The following HCN4 variants were observed in gnomAD, a reference collection of about 807,000 sequenced individuals.
HCN4 encodes the protein potassium/sodium hyperpolarization-activated cyclic nucleotide-gated channel 4.
In HCN4, 29 loss-of-function variants were observed where a neutral mutation model predicts 76.9. That is an observed-to-expected ratio of 0.38 (90% CI 0.28 to 0.51). HCN4 has a LOEUF of 0.51. Among genes scored for constraint, HCN4 ranks in the 20% least tolerant of loss-of-function variants. The pLI, the probability that HCN4 is intolerant of heterozygous loss-of-function variation, is 0.90. For missense variants in HCN4, 1,416 were observed against 1,715.2 expected (o/e 0.83, Z 3.08); for synonymous variants, 772 against 762.5 (o/e 1.01, Z -0.21).
At chr15:73,339,499 T>G (rs2042986510) in intron 2 of HCN4, among the ~76,000 whole-genome samples, 1 of 152,190 alleles carries the variant, frequency 6.6e-6, no homozygotes, top group African/African-American at 2.4e-5. Flanking sequence ...GAGGGCATCC[T>G]CCTTCACGTT....
At position 73,332,178 on chromosome 15, in the gene HCN4, G is replaced by A. The variant is rs1203794095; in HGVS notation, c.1324C>T (p.Leu442=). The A allele has an allele frequency of 1.2e-6, 2 of 1,614,192 alleles. No homozygotes were observed. Among genetic ancestry groups the A allele is most frequent in the African/African-American group, 2.7e-5 (2 of 75,066 alleles). The change falls in exon 3 of 8, where the codon CTA becomes TTA. Residue 442 remains leucine, a synonymous_variant. Transcript: ENST00000261917. ...CAGCAGTCGTCAGGGAAGTCCTGTA[G>A]CATGGGTACCAGGAACTGCAGGCAG... ...DGCLQFLVPM[L]QDFPDDCWVS...
In HCN4 at chr15:73,320,392, C is replaced by T. The variant is rs1032832132; in HGVS notation, c.*2089G>A. On this transcript the variant is annotated 3_prime_UTR_variant, in exon 8 of 8. Transcript: ENST00000261917. Reference sequence around the variant, plus strand: ...TCTATGGAGAAATCGGTTTGTCTCACATCCCAGGATAGCTCAAGGCAAAAC... The same window carrying T: ...TCTATGGAGAAATCGGTTTGTCTCATATCCCAGGATAGCTCAAGGCAAAAC... The T allele has an allele frequency of 2.0e-5, 3 of 152,290 alleles. No homozygotes were observed. The highest frequency in any genetic ancestry group is 4.4e-5 in the Non-Finnish European group (3 of 68,124). 9.4% of individuals were successfully genotyped at this position (152,290 alleles called of 1,614,324 possible). A position where few individuals can be genotyped will look rare whatever the true frequency, so the allele number is the denominator to read the frequency against.
intron 1 of HCN4, among the ~76,000 whole-genome samples, chr15:73,356,625 C>T (rs559286872): frequency 6.6e-6 from 1 of 152,120 alleles, no homozygotes; most frequent in Admixed American, 6.5e-5. Context: ...CAAGGGTCTA[C>T]ACCACCCCTT....
At chr15:73,351,978 C>G (rs569256593) in intron 1 of HCN4, among the ~76,000 whole-genome samples, 1 of 152,168 alleles carries the variant, frequency 6.6e-6, no homozygotes, top group African/African-American at 2.4e-5. Context: ...CCACCTACCC[C>G]CCTTGGTTCA....
intron 2 of HCN4, among the ~76,000 whole-genome samples, chr15:73,333,653 T>G (rs1021991068): frequency 6.6e-6 from 1 of 152,180 alleles, no homozygotes; most frequent in Non-Finnish European, 1.5e-5. Context: ...TGGGAGTCTT[T>G]CCAGGATGAA....
At chr15:73,351,331 T>C (rs2043054305) in intron 1 of HCN4, among the ~76,000 whole-genome samples, 2 of 152,186 alleles carry the variant, frequency 1.3e-5, no homozygotes, top group Admixed American at 1.3e-4. Context: ...TCTGCTGCCT[T>C]GTAAACCATA....
chr15:73,353,592 C>T (rs552735539), intron 1 of HCN4, among the ~76,000 whole-genome samples: 48 of 152,268 alleles, frequency 3.2e-4, no homozygotes, highest in Non-Finnish European at 5.7e-4. Context: ...ACCTATTACT[C>T]CCCCTCCACA....
Position 73,322,966 on chromosome 15 carries a change from G to T in HCN4, c.3127C>A (p.Pro1043Thr), listed in dbSNP as rs1335450749. Residue 1043 changes from proline to threonine, a missense_variant, in exon 8 of 8, where the codon CCC becomes ACC. This residue lies in a region of HCN4 where 633 missense variants were observed against 579.8 expected (regional missense o/e 1.09). Coordinates refer to ENST00000261917, the MANE Select transcript of HCN4 (RefSeq NM_005477.3). ...GATCCGTGGGAGCCAGAGGCCCGGG[G>T]CGGGGCACTCGGGAAGGTTCTTGGG... ...GPPRTFPSAPPRASGSHGSLL... is the reference protein window; with the variant it reads ...GPPRTFPSAPTRASGSHGSLL... 2.1e-6 allele frequency: 3 copies of T among 1,426,004 alleles called. No individual in the cohort carries two copies. The highest frequency in any genetic ancestry group is 2.8e-6 in the Non-Finnish European group (3 of 1,083,046). 88.3% of individuals were successfully genotyped at this position (1,426,004 alleles called of 1,614,324 possible). A position where few individuals can be genotyped will look rare whatever the true frequency, so the allele number is the denominator to read the frequency against.
intron 1 of HCN4, among the ~76,000 whole-genome samples, chr15:73,351,603 G>C (rs1299774631): frequency 6.6e-6 from 1 of 152,094 alleles, no homozygotes; most frequent in African/African-American, 2.4e-5. Context: ...CCCACCATGG[G>C]GACTACTCCA....
In HCN4 at chr15:73,323,129, A is replaced by G. The variant is rs2042873474; in HGVS notation, c.2964T>C (p.Thr988=). ...GTGTCTCTGGCGTGCTCAGTGGGCC[A>G]GTGGCCAGACCTAGGGACAACTCCC... ...PPGELSLGLA[T]GPLSTPETPP... is the part of the protein sequence containing the mutation. The change falls in exon 8 of 8, where the codon ACT becomes ACC. Residue 988 remains threonine (T), a synonymous_variant. Coordinates refer to ENST00000261917, the MANE Select transcript of HCN4 (RefSeq NM_005477.3). 2 of 1,593,354 alleles carry G rather than the reference A, an allele frequency of 1.3e-6. No individual in the cohort carries two copies. Among genetic ancestry groups the G allele is most frequent in the South Asian group, 1.1e-5 (1 of 87,932 alleles).
chr15:73,347,752 A>G (rs1464708152), intron 1 of HCN4, among the ~76,000 whole-genome samples: 2 of 152,098 alleles, frequency 1.3e-5, no homozygotes, highest in Non-Finnish European at 2.9e-5. Flanking sequence ...ACAGGAAAGC[A>G]AGGGGCAGTC....
chr15:73,327,094 C>T (rs566047463), intron 4 of HCN4, among the ~76,000 whole-genome samples: 71 of 150,920 alleles, frequency 4.7e-4, no homozygotes, highest in African/African-American at 1.6e-3. Flanking sequence ...GCCTCCCAGA[C>T]GCTTTTTCTT....
Position 73,367,886 on chromosome 15 carries a change from G to A in HCN4, c.385C>T (p.Arg129Trp). The stretch of plus-strand genomic sequence containing the variant: ...GCGTCGCCCTCGGCGATGAGCCGCC[G>A]CTCCTCCGCGGAGTCATGCAGGTGT... ...HGHLHDSAEERRLIAEGDASP... is the reference protein window; with the variant it reads ...HGHLHDSAEEWRLIAEGDASP... Residue 129 changes from arginine to tryptophan, a missense_variant, in exon 1 of 8, where the codon CGG becomes TGG. By Grantham distance (101) the Arg-to-Trp change is moderately radical (BLOSUM62 -3). Around this residue, in one of 6 missense-constraint regions of HCN4, gnomAD observed 355 missense variants for 347.8 expected, o/e 1.02. Coordinates refer to ENST00000261917, the MANE Select transcript of HCN4 (RefSeq NM_005477.3). This position sits in a 1 kb window ranked among gnomAD's most constrained non-coding sequence, Gnocchi z 7.5. The A allele has an allele frequency of 1.5e-6, 2 of 1,364,322 alleles. No individual in the cohort carries two copies. Among genetic ancestry groups the A allele is most frequent in the South Asian group, 1.8e-5 (1 of 54,388 alleles). 84.5% of individuals were successfully genotyped at this position (1,364,322 alleles called of 1,614,324 possible).
At chr15:73,331,776 AG>A (rs1365129382) in intron 3 of HCN4, among the ~76,000 whole-genome samples, 1 of 152,094 alleles carries the variant, frequency 6.6e-6, no homozygotes, top group East Asian at 1.9e-4. Flanking sequence ...TTGGCTTCTA[AG>A]GGGCAGAGGC....
At position 73,368,039 on chromosome 15, in the gene HCN4, C is replaced by G; in HGVS notation, c.232G>C (p.Glu78Gln). The G allele has an allele frequency of 6.9e-7, 1 of 1,456,592 alleles. No individual in the cohort carries two copies. Among genetic ancestry groups the G allele is most frequent in the Non-Finnish European group, 9.0e-7 (1 of 1,110,672 alleles). 90.2% of individuals were successfully genotyped at this position (1,456,592 alleles called of 1,614,324 possible). Reference sequence around the variant, plus strand: ...TTGCCCGCGCCGCGGGCCGGCCCTTCGCTGTCCGCTGCCCCGAGGGCCGAG... The same window carrying G: ...TTGCCCGCGCCGCGGGCCGGCCCTTGGCTGTCCGCTGCCCCGAGGGCCGAG... ...RSSALGAADS[E>Q]GPARGAGKSS... is the part of the protein sequence containing the mutation. Residue 78 changes from glutamate to glutamine, a missense_variant, in exon 1 of 8, where the codon GAA becomes CAA. This residue lies in a region of HCN4 where 355 missense variants were observed against 347.8 expected (regional missense o/e 1.02). Transcript: ENST00000261917. The surrounding 1 kb of genome is among the most constrained non-coding windows in gnomAD (Gnocchi z 6.9).
At chr15:73,337,869 C>T (rs577310681) in intron 2 of HCN4, among the ~76,000 whole-genome samples, 38 of 152,316 alleles carry the variant, frequency 2.5e-4, no homozygotes, top group African/African-American at 9.1e-4. Flanking sequence ...CACAGACTTC[C>T]GTGTCCTACT....
chr15:73,323,819 G>T lies in HCN4; in HGVS notation c.2274C>A (p.Arg758=), dbSNP rs749766433. The change falls in exon 8 of 8, where the codon CGC becomes CGA. Residue 758 remains arginine (R), a synonymous_variant. Transcript: ENST00000261917. ...HDREMAHCAH[R]VQAAASATPT... is the part of the protein sequence containing the mutation. ...GGGTGGCAGAGGCAGCAGCCTGGAC[G>T]CGGTGCGCGCAGTGGGCCATCTCCC... The T allele has an allele frequency of 6.2e-7, 1 of 1,606,520 alleles. No homozygotes were observed. The highest frequency in any genetic ancestry group is 1.1e-5 in the South Asian group (1 of 91,090).
Position 73,367,380 on chromosome 15 carries a change from C to T in HCN4, c.785+106G>A. The T allele has an allele frequency of 1.3e-6, 2 of 1,545,314 alleles. No individual in the cohort carries two copies. Among genetic ancestry groups the T allele is most frequent in the South Asian group, 1.2e-5 (1 of 82,896 alleles). On this transcript the variant is annotated intron_variant, in intron 1 of 7. Transcript: ENST00000261917. This position sits in a 1 kb window ranked among gnomAD's most constrained non-coding sequence, Gnocchi z 7.5. The stretch of plus-strand genomic sequence containing the variant: ...GAGGCGCCCTGCCTCTCTTGGAGCT[C>T]CCAGCGCAAGGCAGGAAAGTTAACT...
In HCN4 at chr15:73,357,598, TTCA is replaced by T. The variant is rs2043086972; in HGVS notation, c.785+9885_785+9887del. 2.0e-5 allele frequency among the ~76,000 whole-genome samples: 3 copies of T among 151,962 alleles called. 1 individual carries two copies. In the South Asian group the frequency reaches 6.2e-4, roughly 32 times the overall value. ...GGCCCTTTCCCGGATGGCATTTCAG[TTCA>T]TTTTCATTAAGCTCCTGCTGCATCA... On this transcript the variant is annotated intron_variant, in intron 1 of 7. Coordinates refer to ENST00000261917, the MANE Select transcript of HCN4 (RefSeq NM_005477.3).
Sources: allele counts gnomAD v4.1 joint callset (sites outside exome capture counted in the v4.1 genomes callset), GRCh38; gene constraint gnomAD v4.1.1; regional missense constraint gnomAD v4.1.1; non-coding constraint Gnocchi (gnomAD v3.1); transcripts MANE v1.5; gene names NCBI Gene and HGNC (gene_info 2026-07-23, HGNC 2026-07-21).